Variants in MYT1L observed in about 807,000 individuals in gnomAD.
The protein encoded by MYT1L is myelin transcription factor 1 like, also known as myelin transcription factor 1-like protein.
In MYT1L, 12 loss-of-function variants were observed where a neutral mutation model predicts 126.7. That is an observed-to-expected ratio of 0.09 (90% CI 0.06 to 0.15). The LOEUF is 0.15. Ranked by LOEUF, MYT1L falls within the 10% of genes least tolerant of loss-of-function variation. The probability of loss-of-function intolerance (pLI) is 1.00; values close to 1 mark genes in which losing one functional copy is unlikely to be tolerated. For synonymous variants in MYT1L, 541 were observed against 604.2 expected (o/e 0.90, Z 1.53); for missense variants, 979 against 1,585.2 (o/e 0.62, Z 6.49).
intron 2 of MYT1L, among the ~76,000 whole-genome samples, chr2:2,253,465 A>G (rs952714420): frequency 6.6e-6 from 1 of 152,190 alleles, no homozygotes; most frequent in African/African-American, 2.4e-5. Context: ...ACTGACTGAT[A>G]ATGTCTTCAC....
intron 21 of MYT1L, among the ~76,000 whole-genome samples, chr2:1,829,656 C>G: frequency 1.1e-5 from 1 of 92,012 alleles, no homozygotes; most frequent in Admixed American, 1.1e-4. Context: ...CACCTGTGAA[C>G]TGACCCTCCC....
At chr2:2,152,921 C>T (rs752452268) in intron 3 of MYT1L, among the ~76,000 whole-genome samples, 13 of 152,090 alleles carry the variant, frequency 8.5e-5, no homozygotes, top group Non-Finnish European at 1.6e-4. Context: ...CAGAAGCACA[C>T]GGCCATCTAC....
In MYT1L at chr2:1,880,504, C is replaced by T. The variant is rs2047396286; in HGVS notation, c.2711+6035G>A. 2.6e-5 allele frequency among the ~76,000 whole-genome samples: 4 copies of T among 152,258 alleles called. No homozygotes were observed. In the South Asian group the frequency reaches 8.3e-4, roughly 32 times the overall value. ...TTTAAATGAGACTTTATTTTCTTAA[C>T]TGACTGTAGATGGGGCAGTCAGGTC... On this transcript the variant is annotated intron_variant, in intron 18 of 24. Coordinates refer to ENST00000647738, the MANE Select transcript of MYT1L (RefSeq NM_001303052.2).
chr2:1,867,353 T>C (rs562968953), intron 18 of MYT1L, among the ~76,000 whole-genome samples: 1 of 152,246 alleles, frequency 6.6e-6, no homozygotes, highest in East Asian at 1.9e-4. Flanking sequence ...AGAGGCCCCA[T>C]TGTCTTGGCT....
chr2:2,264,021 A>T lies in MYT1L; in HGVS notation c.-421+20383T>A, dbSNP rs1442904952. 2.6e-5 allele frequency among the ~76,000 whole-genome samples: 4 copies of T among 152,208 alleles called. No homozygotes were observed. The East Asian group carries it at 7.7e-4, about 29-fold the overall frequency. On this transcript the variant is annotated intron_variant, in intron 2 of 24. Coordinates refer to ENST00000647738, the MANE Select transcript of MYT1L (RefSeq NM_001303052.2). ...GTGATAATAATACTGTAATAATAAA[A>T]ATCTTGCATTTATAGAAAAAGAAAT... is the stretch of plus-strand genomic sequence containing the variant.
intron 8 of MYT1L, among the ~76,000 whole-genome samples, chr2:1,961,993 T>C (rs1476254545): frequency 6.6e-6 from 1 of 152,228 alleles, no homozygotes; most frequent in Non-Finnish European, 1.5e-5. Context: ...ATATTTAAGG[T>C]GATGTATATC....
intron 23 of MYT1L, among the ~76,000 whole-genome samples, chr2:1,794,645 G>T (rs1412134880): frequency 6.6e-6 from 1 of 152,142 alleles, no homozygotes; most frequent in African/African-American, 2.4e-5. Context: ...TATGTTCTCT[G>T]CTGGAAAGTC....
chr2:2,074,305 C>T (rs1413425450), intron 3 of MYT1L, among the ~76,000 whole-genome samples: 1 of 152,274 alleles, frequency 6.6e-6, no homozygotes, highest in Non-Finnish European at 1.5e-5. Context: ...TGTGCCTAGT[C>T]AGTCTTAATC....
chr2:2,320,620 G>C (rs1297732631), intron 1 of MYT1L, among the ~76,000 whole-genome samples: 2 of 152,142 alleles, frequency 1.3e-5, no homozygotes, highest in African/African-American at 4.8e-5. Flanking sequence ...CAGCCTACAG[G>C]ATATGAGGCC....
intron 21 of MYT1L, 131 bp from the exon 22 acceptor site, chr2:1,809,298 A>T: frequency 1.3e-6 from 1 of 799,856 alleles, no homozygotes; most frequent in Non-Finnish European, 2.1e-6. Context: ...TGAAAATGAG[A>T]AAAAGCAAAA....
chr2:2,002,776 A>T (rs1047516407), intron 4 of MYT1L, among the ~76,000 whole-genome samples: 1 of 152,132 alleles, frequency 6.6e-6, no homozygotes, highest in Non-Finnish European at 1.5e-5. Flanking sequence ...TAACTGGATC[A>T]CGGGGGCGGG....
rs1023812464 is a variant in MYT1L at position 2,175,211 on chromosome 2, G to A, written c.-420-2223C>T. On this transcript the variant is annotated intron_variant, in intron 2 of 24. Transcript: ENST00000647738. ...TTCCTCCACCCTCTCTTGCCAGGGC[G>A]GTGCCCACCACCCCTGTGGGACACA... Among the ~76,000 whole-genome samples, 7 of 152,060 alleles carry A rather than the reference G, an allele frequency of 4.6e-5. No homozygotes were observed. The East Asian group carries it at 9.7e-4, about 21-fold the overall frequency.
chr2:2,263,350 G>A (rs1191317213), intron 2 of MYT1L, among the ~76,000 whole-genome samples: 1 of 151,970 alleles, frequency 6.6e-6, no homozygotes, highest in East Asian at 1.9e-4. Flanking sequence ...TTACATCCCA[G>A]AAACAAGGGG....
At chr2:2,011,382 G>A (rs532901469) in intron 4 of MYT1L, among the ~76,000 whole-genome samples, 8 of 147,214 alleles carry the variant, frequency 5.4e-5, no homozygotes, top group Non-Finnish European at 8.9e-5. Flanking sequence ...CAGCCTGGGT[G>A]ACAGAGCAAG....
At chr2:2,098,549 T>C (rs1407266924) in intron 3 of MYT1L, among the ~76,000 whole-genome samples, 1 of 152,190 alleles carries the variant, frequency 6.6e-6, no homozygotes, top group Admixed American at 6.5e-5. Context: ...GACACATTTT[T>C]GGTGTCACAC....
rs2093602749 is a variant in MYT1L, at chr2:2,213,868, G to T, written c.-420-40880C>A. Among the ~76,000 whole-genome samples the T allele has an allele frequency of 2.0e-5, 3 of 152,172 alleles. No individual in the cohort carries two copies. In the South Asian group the frequency reaches 6.2e-4, roughly 32 times the overall value. ...AGCAGAAAAATAAAATCCACAGTGAGGAGAAAAATCAATCAATCTAACCAT... is the reference window on the plus strand; with the variant it reads ...AGCAGAAAAATAAAATCCACAGTGATGAGAAAAATCAATCAATCTAACCAT... On this transcript the variant is annotated intron_variant, in intron 2 of 24. Coordinates refer to ENST00000647738, the MANE Select transcript of MYT1L (RefSeq NM_001303052.2).
At chr2:2,220,880 A>C (rs1361171440) in intron 2 of MYT1L, among the ~76,000 whole-genome samples, 1 of 152,174 alleles carries the variant, frequency 6.6e-6, no homozygotes, top group African/African-American at 2.4e-5. Context: ...CCTCACTTCC[A>C]ATACCCAGAA....
intron 20 of MYT1L, among the ~76,000 whole-genome samples, chr2:1,839,930 G>C (rs1401144987): frequency 3.9e-5 from 6 of 152,176 alleles, no homozygotes; most frequent in African/African-American, 1.2e-4. Context: ...CTGACACAGG[G>C]ACACGGGACA....
At chr2:1,964,918 T>C (rs181760512) in intron 8 of MYT1L, among the ~76,000 whole-genome samples, 18 of 152,268 alleles carry the variant, frequency 1.2e-4, no homozygotes, top group African/African-American at 4.3e-4. Context: ...CAGCCGTGGG[T>C]ACAGGAAATC....
Sources: gnomAD v4.1 joint callset for allele counts (sites outside exome capture counted in the v4.1 genomes callset) on GRCh38, gnomAD v4.1.1 for gene constraint, MANE v1.5 for transcripts, NCBI Gene and HGNC (gene_info 2026-07-23, HGNC 2026-07-21) for gene names.